CD6: variants seen among roughly 807,000 people sequenced by gnomAD.
CD6 encodes T-cell differentiation antigen CD6.
A neutral mutation model predicts 75.3 loss-of-function variants in CD6; 53 were observed. The ratio of observed to expected loss-of-function variants is 0.70; its 90% CI spans 0.56 to 0.88. The LOEUF (loss-of-function observed/expected upper bound fraction) is 0.88. Among genes scored for constraint, CD6 ranks in the 40% least tolerant of loss-of-function variants. The pLI is 0.00. For missense variants in CD6, 770 were observed against 897.1 expected, an observed-to-expected ratio of 0.86 and a Z score of 1.81; for synonymous variants, 359 against 381.5, an observed-to-expected ratio of 0.94 and a Z score of 0.69.
At chr11:61,018,184 C>T (rs1430531506) in intron 11 of CD6, 105 bp from the exon 12 acceptor site, 32 of 1,299,100 alleles carry the variant, frequency 2.5e-5, no homozygotes, top group Non-Finnish European at 3.3e-5. Context: ...TGTCATTTGC[C>T]AAGCTAGGGA....
Position 61,020,139 on chromosome 11 carries a change from G to A in CD6, c.*821G>A. The A allele has an allele frequency of 2.5e-6, 1 of 398,670 alleles. No individual in the cohort carries two copies. Among genetic ancestry groups the A allele is most frequent in the Non-Finnish European group, 4.4e-6 (1 of 226,158 alleles). 24.7% of individuals were successfully genotyped at this position (398,670 alleles called of 1,614,324 possible). ...GAGATAGGGGCCCAGTCTCCATGGG[G>A]GCAAGGAGCATAGAGATGTTTTCCA... On this transcript the variant is annotated 3_prime_UTR_variant, in exon 13 of 13. Coordinates refer to ENST00000313421, the MANE Select transcript of CD6 (RefSeq NM_006725.5).
At chr11:61,015,952 C>A in intron 9 of CD6, 117 bp downstream of exon 9, 2 of 1,259,980 alleles carry the variant, frequency 1.6e-6, no homozygotes, top group South Asian at 1.4e-5. Context: ...AGACAGAATC[C>A]CCCTGGTTAC....
chr11:61,013,078 G>C (rs1197877106), intron 6 of CD6, among the ~76,000 whole-genome samples: 5 of 152,286 alleles, frequency 3.3e-5, no homozygotes, highest in African/African-American at 1.2e-4. Context: ...CTTATGTGTA[G>C]CCCCAGGGTC....
Position 61,014,014 on chromosome 11 carries a change from G to A in CD6, c.1387G>A (p.Val463Ile). The change falls in exon 8 of 13, where the codon GTT (valine) becomes ATT (isoleucine). Residue 463 changes from valine to isoleucine, a missense_variant and splice_region_variant. Val to Ile is a conservative substitution (Grantham distance 29). Transcript: ENST00000313421. ...QPVPITIPKEVFMLPIQVQAP... is the reference protein window; with the variant it reads ...QPVPITIPKEIFMLPIQVQAP... ...GGTCCCCATCACCATCCCCAAAGAA[G>A]GTAGGATGTCCCCCATCCTGGGTGT... 1 of 1,610,318 alleles carries A rather than the reference G, an allele frequency of 6.2e-7. No individual in the cohort carries two copies. The highest frequency in any genetic ancestry group is 1.1e-5 in the South Asian group (1 of 90,628).
Position 61,013,406 on chromosome 11 carries a change from G to T in CD6, c.1151-17G>T, listed in dbSNP as rs1006795633. 2 of 1,613,230 alleles carry T rather than the reference G, an allele frequency of 1.2e-6. No individual in the cohort carries two copies. The highest frequency in any genetic ancestry group is 3.3e-5 in the Admixed American group (2 of 59,918). On this transcript the variant is annotated splice_polypyrimidine_tract_variant and intron_variant, in intron 6 of 12. Coordinates refer to ENST00000313421, the MANE Select transcript of CD6 (RefSeq NM_006725.5). ...GCCCATTCCTCTTTCTTCCTGAATT[G>T]GAATTCTTGTTTCCAGAATCTTCTG... is the stretch of plus-strand genomic sequence containing the variant.
At chr11:60,972,605 C>A (rs1324904421) in intron 1 of CD6, among the ~76,000 whole-genome samples, 1 of 152,174 alleles carries the variant, frequency 6.6e-6, no homozygotes, top group African/African-American at 2.4e-5. Flanking sequence ...AGGGTCCAAG[C>A]TGGCCAGAGC....
At position 61,008,555 on chromosome 11, in the gene CD6, T is replaced by C; in HGVS notation, c.491T>C (p.Val164Ala). 6.2e-7 allele frequency: 1 copy of C among 1,604,530 alleles called. No homozygotes were observed. Among genetic ancestry groups the C allele is most frequent in the South Asian group, 1.1e-5 (1 of 89,656 alleles). The change falls in exon 4 of 13, where the codon GTG (valine) becomes GCG (alanine). Residue 164 changes from valine to alanine, a missense_variant. Val to Ala is a moderately conservative substitution (Grantham distance 64). Coordinates refer to ENST00000313421, the MANE Select transcript of CD6 (RefSeq NM_006725.5). The stretch of plus-strand genomic sequence containing the variant: ...CTAGAGAACCGCGCGCTGCGCCTGG[T>C]GGACGGTGGCGGCGCCTGCGCCGGC... The part of the protein sequence containing the change: ...TCAENRALRL[V>A]DGGGACAGRV...
chr11:60,976,840 C>T (rs1039738857), intron 1 of CD6, among the ~76,000 whole-genome samples: 1 of 152,160 alleles, frequency 6.6e-6, no homozygotes, highest in African/African-American at 2.4e-5. Context: ...GTGCATCTGG[C>T]CTTATTGTTT....
Position 61,007,499 on chromosome 11 carries a change from A to G in CD6, c.119-61A>G, listed in dbSNP as rs1468290499. ...AGTTCACGCACAGAGTCAGTGGCAG[A>G]GCCTGGGCAACCCTCTGCCCAGGCC... On this transcript the variant is annotated intron_variant, in intron 2 of 12. Transcript: ENST00000313421. The surrounding 1 kb of genome is among the most constrained non-coding windows in gnomAD (Gnocchi z 4.2). 15 of 1,262,134 alleles carry G rather than the reference A, an allele frequency of 1.2e-5. No homozygotes were observed. The highest frequency in any genetic ancestry group is 1.6e-5 in the Non-Finnish European group (15 of 963,392). 78.2% of individuals were successfully genotyped at this position (1,262,134 alleles called of 1,614,324 possible).
intron 9 of CD6, 173 bp from the exon 10 acceptor site, chr11:61,017,306 G>A: frequency 1.6e-6 from 1 of 619,886 alleles, no homozygotes; most frequent in Non-Finnish European, 2.9e-6. Context: ...GGCTCTGCTG[G>A]ATTGGGATAT....
chr11:61,011,177 A>ATGTGTG, intron 6 of CD6, 42 bp downstream of exon 6: 2 of 647,894 alleles, frequency 3.1e-6, no homozygotes, highest in East Asian at 5.9e-5. Flanking sequence ...AGAAGCTTGG[A>ATGTGTG]CGTGTGTGTG....
In CD6 at chr11:61,009,928, C is replaced by T. The variant is rs1859067530; in HGVS notation, c.1084+54C>T. 2.0e-6 allele frequency: 3 copies of T among 1,501,422 alleles called. No individual in the cohort carries two copies. The Admixed American group carries it at 6.8e-5, about 34-fold the overall frequency. 93.0% of individuals were successfully genotyped at this position (1,501,422 alleles called of 1,614,324 possible). Reference sequence around the variant, plus strand: ...TTTGAGCCAGAATTCTACCTGAATCCATGTCCTAAAAACTTACAGTCCAAG... The same window carrying T: ...TTTGAGCCAGAATTCTACCTGAATCTATGTCCTAAAAACTTACAGTCCAAG... On this transcript the variant is annotated intron_variant, in intron 5 of 12. Transcript: ENST00000313421.
At chr11:61,008,949 G>A in intron 4 of CD6, 104 bp downstream of exon 4, 1 of 988,394 alleles carries the variant, frequency 1.0e-6, no homozygotes, top group Non-Finnish European at 1.4e-6. Context: ...CCCTGCCCTT[G>A]AGATGTCACA....
rs772164608 is a variant in CD6, at chr11:61,008,527, C to A, written c.470-7C>A. On this transcript the variant is annotated splice_region_variant and splice_polypyrimidine_tract_variant and intron_variant, in intron 3 of 12. Transcript: ENST00000313421. ...CCCCAGCATCCACAACCCCCTCCCA[C>A]CCCTAGAGAACCGCGCGCTGCGCCT... is the stretch of plus-strand genomic sequence containing the variant. 5.7e-6 allele frequency: 9 copies of A among 1,583,942 alleles called. No homozygotes were observed. The highest frequency in any genetic ancestry group is 7.7e-6 in the Non-Finnish European group (9 of 1,164,298).
chr11:61,000,577 C>T (rs746478964), intron 1 of CD6, among the ~76,000 whole-genome samples: 19 of 152,190 alleles, frequency 1.2e-4, no homozygotes, highest in Non-Finnish European at 7.3e-5. Flanking sequence ...GCCAGGGCGG[C>T]ATTCTGGGGA....
At chr11:61,005,277 C>G (rs755481340) in intron 1 of CD6, among the ~76,000 whole-genome samples, 4 of 152,198 alleles carry the variant, frequency 2.6e-5, no homozygotes, top group Non-Finnish European at 5.9e-5. Flanking sequence ...GTCAGTGAGT[C>G]CGAGTAGGAG....
chr11:60,984,554 C>A (rs911712548), intron 1 of CD6, among the ~76,000 whole-genome samples: 40 of 152,192 alleles, frequency 2.6e-4, no homozygotes, highest in African/African-American at 8.9e-4. Context: ...TTTTTTCAGC[C>A]ACTGAGGATA....
intron 1 of CD6, chr11:60,982,570 A>ACTC (rs1217966700): frequency 2.2e-6 from 1 of 455,782 alleles, no homozygotes; most frequent in Non-Finnish European, 4.4e-6. Context: ...CCCGTTCCCC[A>ACTC]CTCCATTTGG....
intron 1 of CD6, among the ~76,000 whole-genome samples, chr11:60,974,173 G>A (rs1449436175): frequency 1.3e-5 from 2 of 152,188 alleles, no homozygotes; most frequent in Non-Finnish European, 2.9e-5. Flanking sequence ...AAGTGCGTGT[G>A]GAAGTTTCAG....
Sources: allele counts gnomAD v4.1 joint callset (sites outside exome capture counted in the v4.1 genomes callset), GRCh38; gene constraint gnomAD v4.1.1; non-coding constraint Gnocchi (gnomAD v3.1); transcripts MANE v1.5; gene names NCBI Gene and HGNC (gene_info 2026-07-23, HGNC 2026-07-21).